TYW1: variants seen among roughly 807,000 people sequenced by gnomAD.
TYW1 encodes tRNA-yW synthesizing protein 1 homolog, also known as S-adenosyl-L-methionine-dependent tRNA 4-demethylwyosine synthase TYW1.
TYW1 carries 46 observed loss-of-function variants against 96.2 expected under a neutral mutation model. The ratio of observed to expected loss-of-function variants is 0.48; its 90% CI spans 0.38 to 0.61. The LOEUF (loss-of-function observed/expected upper bound fraction) is 0.61. TYW1 is among the 20% of genes least tolerant of loss of function. The probability of loss-of-function intolerance (pLI) is 0.00; values close to 1 mark genes in which losing one functional copy is unlikely to be tolerated. For missense variants in TYW1, 684 were observed against 909.6 expected (o/e 0.75, Z 3.19); for synonymous variants, 274 against 323.0 (o/e 0.85, Z 1.63).
intron 10 of TYW1, among the ~76,000 whole-genome samples, chr7:67,080,388 G>A (rs1223951428): frequency 6.7e-6 from 1 of 149,906 alleles, no homozygotes; most frequent in African/African-American, 2.5e-5. Context: ...TACAAGGATA[G>A]CTACTCTTGC....
chr7:67,019,346 C>G (rs1240570591), intron 6 of TYW1, among the ~76,000 whole-genome samples: 2 of 73,062 alleles, frequency 2.7e-5, no homozygotes, highest in African/African-American at 8.4e-5. Context: ...CAGGCACGTA[C>G]CACTACGCCC....
chr7:67,133,062 G>C (rs972416966), intron 13 of TYW1, among the ~76,000 whole-genome samples: 1 of 152,182 alleles, frequency 6.6e-6, no homozygotes, highest in Admixed American at 6.5e-5. Context: ...TGTCCTACGT[G>C]ATTATACTTA....
chr7:67,023,799 C>G (rs1415949289), intron 6 of TYW1, among the ~76,000 whole-genome samples: 1 of 151,942 alleles, frequency 6.6e-6, no homozygotes, highest in Non-Finnish European at 1.5e-5. Flanking sequence ...AAAGAACAAA[C>G]AAAAAAATCT....
At chr7:67,076,762 C>T (rs2115731826) in intron 10 of TYW1, among the ~76,000 whole-genome samples, 1 of 149,016 alleles carries the variant, frequency 6.7e-6, no homozygotes, top group South Asian at 2.1e-4. Context: ...AGGCTTGAGC[C>T]ACTGCACTCA....
intron 10 of TYW1, among the ~76,000 whole-genome samples, chr7:67,076,996 A>G (rs573026996): frequency 1.1e-3 from 161 of 150,680 alleles, no homozygotes; most frequent in African/African-American, 3.6e-3. Flanking sequence ...CTGGCTTCAA[A>G]CTCCTGACCT....
At chr7:67,139,105 G>C (rs890765395) in intron 13 of TYW1, among the ~76,000 whole-genome samples, 2 of 152,082 alleles carry the variant, frequency 1.3e-5, no homozygotes, top group African/African-American at 2.4e-5. Flanking sequence ...CCAGGCTGGA[G>C]TGCAGTGGCC....
At chr7:67,084,598 A>G (rs1399476410) in intron 11 of TYW1, among the ~76,000 whole-genome samples, 1 of 151,618 alleles carries the variant, frequency 6.6e-6, no homozygotes, top group Admixed American at 6.6e-5. Context: ...GCTCACTGCA[A>G]CCTTCACTTC....
At chr7:67,136,440 A>T (rs1362967128) in intron 13 of TYW1, among the ~76,000 whole-genome samples, 1 of 152,136 alleles carries the variant, frequency 6.6e-6, no homozygotes, top group Non-Finnish European at 1.5e-5. Flanking sequence ...CTAGAGGAAG[A>T]TTTCATCTGA....
At position 67,180,476 on chromosome 7, in the gene TYW1, T is replaced by C. The variant is rs185380124; in HGVS notation, c.1699-2650T>C. On this transcript the variant is annotated intron_variant, in intron 13 of 15. Transcript: ENST00000359626. The stretch of plus-strand genomic sequence containing the variant: ...CTCATTTTTAGTTGATTCTTTCAGG[T>C]TTCCAAGAAGCCAGTCATATTATTT... 1.2e-4 allele frequency among the ~76,000 whole-genome samples: 18 copies of C among 148,466 alleles called. 2 individuals are homozygous for C. In the East Asian group the frequency reaches 3.1e-3, roughly 26 times the overall value.
intron 2 of TYW1, among the ~76,000 whole-genome samples, chr7:66,998,450 A>G (rs1312937522): frequency 6.6e-6 from 1 of 152,212 alleles, no homozygotes; most frequent in Non-Finnish European, 1.5e-5. Flanking sequence ...AACCTTTTAT[A>G]TGAAAAACAA....
chr7:67,039,750 A>AC (rs1170222840), intron 7 of TYW1, among the ~76,000 whole-genome samples: 1 of 145,548 alleles, frequency 6.9e-6, no homozygotes, highest in Non-Finnish European at 1.5e-5. Context: ...TGCAGCCTCT[A>AC]CTCCCTCTTT....
intron 13 of TYW1, among the ~76,000 whole-genome samples, chr7:67,132,143 T>C (rs1798095734): frequency 7.2e-6 from 1 of 139,048 alleles, no homozygotes; most frequent in Non-Finnish European, 1.5e-5. Flanking sequence ...AGGGTCTTGC[T>C]CTGTTGCCCA....
At chr7:67,016,818 G>A (rs1411668852) in intron 5 of TYW1, among the ~76,000 whole-genome samples, 1 of 151,774 alleles carries the variant, frequency 6.6e-6, no homozygotes, top group Non-Finnish European at 1.5e-5. Context: ...GTAGAGATGG[G>A]GTTTTACTTT....
intron 11 of TYW1, among the ~76,000 whole-genome samples, chr7:67,092,795 G>A (rs1304399423): frequency 1.4e-5 from 2 of 145,940 alleles, no homozygotes; most frequent in Non-Finnish European, 3.0e-5. Context: ...CAATTCTCCT[G>A]GCTCAGCCTC....
At chr7:67,182,803 G>C (rs1160313672) in intron 13 of TYW1, among the ~76,000 whole-genome samples, 5 of 152,084 alleles carry the variant, frequency 3.3e-5, no homozygotes, top group Non-Finnish European at 7.4e-5. Flanking sequence ...GCCTAACACT[G>C]TTTGGTCAGT....
At chr7:67,231,017 C>T (rs1801736383) in intron 15 of TYW1, among the ~76,000 whole-genome samples, 1 of 152,074 alleles carries the variant, frequency 6.6e-6, no homozygotes, top group Non-Finnish European at 1.5e-5. Flanking sequence ...CATCCTTTCC[C>T]ATTCCCCCAC....
At chr7:67,101,121 C>A (rs1797075536) in intron 12 of TYW1, among the ~76,000 whole-genome samples, 1 of 152,182 alleles carries the variant, frequency 6.6e-6, no homozygotes, top group East Asian at 1.9e-4. Flanking sequence ...CGCAGGCATA[C>A]CCCTGAGTCT....
At chr7:67,023,282 G>A (rs1052981202) in intron 6 of TYW1, among the ~76,000 whole-genome samples, 13 of 151,564 alleles carry the variant, frequency 8.6e-5, no homozygotes, top group Admixed American at 7.9e-4. Context: ...TTTTTAGTAG[G>A]GACAGAGTTT....
At chr7:67,023,584 A>T (rs899418268) in intron 6 of TYW1, among the ~76,000 whole-genome samples, 4 of 151,986 alleles carry the variant, frequency 2.6e-5, no homozygotes, top group Non-Finnish European at 4.4e-5. Context: ...CCTGGCTGAC[A>T]TGGTGAAACC....
Sources: allele counts gnomAD v4.1 joint callset (sites outside exome capture counted in the v4.1 genomes callset), GRCh38; gene constraint gnomAD v4.1.1; transcripts MANE v1.5; gene names NCBI Gene and HGNC (gene_info 2026-07-23, HGNC 2026-07-21).